The following SLC9C2 variants were observed in gnomAD, a reference collection of about 807,000 sequenced individuals.
SLC9C2 encodes solute carrier family 9 member C2 (putative), also known as sodium/hydrogen exchanger 11.
SLC9C2 carries 75 observed loss-of-function variants against 140.2 expected under a neutral mutation model. The observed-to-expected ratio is 0.53, with a 90% CI of 0.44 to 0.65. The LOEUF is 0.65. Among genes scored for constraint, SLC9C2 ranks in the 30% least tolerant of loss-of-function variants. The pLI, the probability that SLC9C2 is intolerant of heterozygous loss-of-function variation, is 0.00. For synonymous variants in SLC9C2, 375 were observed against 420.9 expected (o/e 0.89, Z 1.34); for missense variants, 1,074 against 1,331.8 (o/e 0.81, Z 3.01).
chr1:173,595,850 A>C (rs74225380), intron 4 of SLC9C2, among the ~76,000 whole-genome samples: 12,043 of 152,220 alleles, frequency 0.079, 724 homozygotes, highest in East Asian at 0.32. Flanking sequence ...TGATAAATGC[A>C]TACAGTTATG....
At chr1:173,533,941 C>A in intron 16 of SLC9C2, 144 bp from the exon 17 acceptor site, 2 of 915,456 alleles carry the variant, frequency 2.2e-6, no homozygotes, top group South Asian at 2.6e-5. Context: ...TGGAATCCCC[C>A]CAAAAATTCT....
At position 173,504,976 on chromosome 1, in the gene SLC9C2, AAC is replaced by A. The variant is rs558060847; in HGVS notation, c.3310+269_3310+270del. Among the ~76,000 whole-genome samples the A allele has an allele frequency of 3.2e-4, 48 of 152,280 alleles. 1 individual carries two copies. In the South Asian group the frequency reaches 9.7e-3, roughly 31 times the overall value. Reference sequence around the variant, plus strand: ...TGTGGCTGCAGCCTACCAGGGCAGCAACAGAGTGCATTGCAGAAGCTGCTCTC... The same window carrying A: ...TGTGGCTGCAGCCTACCAGGGCAGCAAGAGTGCATTGCAGAAGCTGCTCTC... On this transcript the variant is annotated intron_variant, in intron 26 of 27. Transcript: ENST00000367714.
chr1:173,569,752 C>G (rs1428900359), intron 9 of SLC9C2, among the ~76,000 whole-genome samples: 4 of 151,998 alleles, frequency 2.6e-5, no homozygotes, highest in Non-Finnish European at 5.9e-5. Flanking sequence ...GAGTTCAAGA[C>G]CAGCCTGGGC....
chr1:173,543,115 G>A (rs1015217306), intron 13 of SLC9C2, among the ~76,000 whole-genome samples: 1 of 152,162 alleles, frequency 6.6e-6, no homozygotes, highest in African/African-American at 2.4e-5. Context: ...AAACCCCATT[G>A]TCTCACCCCA....
At chr1:173,558,180 T>A (rs939188097) in intron 9 of SLC9C2, among the ~76,000 whole-genome samples, 26 of 152,096 alleles carry the variant, frequency 1.7e-4, no homozygotes, top group South Asian at 4.1e-4. Flanking sequence ...CAAAAAAAAA[T>A]ATTGTGTGTC....
Position 173,534,596 on chromosome 1 carries a change from A to G in SLC9C2, c.1862T>C (p.Ile621Thr), listed in dbSNP as rs1571492912. Reference protein sequence around the residue: ...YTGQIINLIYIYPMIIHLWPM... With the variant: ...YTGQIINLIYTYPMIIHLWPM... Reference sequence around the variant, plus strand: ...CCACAGATGTATTATCATAGGATAAATATATATCAAATTTATAATCTGTCC... The same window carrying G: ...CCACAGATGTATTATCATAGGATAAGTATATATCAAATTTATAATCTGTCC... The change falls in exon 16 of 28, where the codon ATT becomes ACT. Residue 621 changes from isoleucine to threonine, a missense_variant. Physicochemically the swap from Ile to Thr is moderately conservative, Grantham distance 89. Transcript: ENST00000367714. 1 of 1,591,308 alleles carries G rather than the reference A, an allele frequency of 6.3e-7. No homozygotes were observed. The highest frequency in any genetic ancestry group is 8.5e-7 in the Non-Finnish European group (1 of 1,170,460).
intron 13 of SLC9C2, among the ~76,000 whole-genome samples, chr1:173,538,593 G>A (rs928323654): frequency 1.3e-5 from 2 of 152,078 alleles, no homozygotes; most frequent in Non-Finnish European, 2.9e-5. Context: ...AGCACAGGGT[G>A]TTAATCAGAC....
intron 23 of SLC9C2, among the ~76,000 whole-genome samples, chr1:173,511,049 T>C (rs1215935608): frequency 2.3e-5 from 3 of 132,480 alleles, no homozygotes; most frequent in East Asian, 2.5e-4. Flanking sequence ...TTTTTTTTTT[T>C]TTTTGAGACA....
intron 13 of SLC9C2, among the ~76,000 whole-genome samples, chr1:173,546,428 A>G (rs1662853116): frequency 6.6e-6 from 1 of 152,098 alleles, no homozygotes; most frequent in African/African-American, 2.4e-5. Context: ...TAAAAATACA[A>G]AAATTACCTG....
chr1:173,568,332 T>C (rs989468059), intron 9 of SLC9C2, among the ~76,000 whole-genome samples: 4 of 152,090 alleles, frequency 2.6e-5, no homozygotes, highest in African/African-American at 7.2e-5. Context: ...TTCTTTGTAT[T>C]CGTAAGTTCT....
chr1:173,598,086 G>T (rs1423049060), intron 3 of SLC9C2, 54 bp from the exon 4 acceptor site: 2 of 1,523,556 alleles, frequency 1.3e-6, no homozygotes, highest in Non-Finnish European at 1.8e-6. Context: ...CCAAGTATTA[G>T]AAACTAGGTT....
intron 17 of SLC9C2, among the ~76,000 whole-genome samples, chr1:173,532,001 A>C (rs1470393214): frequency 6.6e-6 from 1 of 152,214 alleles, no homozygotes; most frequent in African/African-American, 2.4e-5. Flanking sequence ...TCAGCTCATA[A>C]GGCAAAAAGC....
chr1:173,586,738 C>A (rs1665870774), intron 5 of SLC9C2, among the ~76,000 whole-genome samples: 1 of 152,104 alleles, frequency 6.6e-6, no homozygotes, highest in African/African-American at 2.4e-5. Flanking sequence ...AGGGACATGG[C>A]TGAAGCTTGA....
In SLC9C2 at chr1:173,561,784, C is replaced by T. The variant is rs982721310; in HGVS notation, c.1047-4276G>A. Among the ~76,000 whole-genome samples the T allele has an allele frequency of 2.0e-5, 3 of 151,698 alleles. No individual in the cohort carries two copies. In the East Asian group the frequency reaches 5.8e-4, roughly 30 times the overall value. Reference sequence around the variant, plus strand: ...TTGCCACCACCAGTGACCAATCATACATGAAAAAGATCAGCCACTCCCACC... The same window carrying T: ...TTGCCACCACCAGTGACCAATCATATATGAAAAAGATCAGCCACTCCCACC... On this transcript the variant is annotated intron_variant, in intron 9 of 27. Transcript: ENST00000367714.
At chr1:173,557,559 ATTCATAG>A in intron 9 of SLC9C2, 51 bp from the exon 10 acceptor site, 1 of 1,525,268 alleles carries the variant, frequency 6.6e-7, no homozygotes, top group Non-Finnish European at 8.9e-7. Context: ...TATTAATGTT[ATTCATAG>A]TTGAAAGCAA....
intron 15 of SLC9C2, 100 bp downstream of exon 15, chr1:173,535,730 T>C (rs1279904461): frequency 3.0e-6 from 4 of 1,322,260 alleles, no homozygotes; most frequent in East Asian, 6.3e-5. Flanking sequence ...AACCATAATA[T>C]AGTTTTTCTC....
At position 173,509,658 on chromosome 1, in the gene SLC9C2, A is replaced by G; in HGVS notation, c.2949T>C (p.Asp983=). The change falls in exon 24 of 28, where the codon GAT becomes GAC. Residue 983 remains aspartate, a synonymous_variant. Transcript: ENST00000367714. ...TATATTCCAGAGATGGCCAGAAGGC[A>G]TCAAAGCCTTCATATAAATCCTCCA... The part of the protein sequence containing the change: ...ISLEDLYEGF[D]AFWPSLEYKI... 1 of 1,597,478 alleles carries G rather than the reference A, an allele frequency of 6.3e-7. No homozygotes were observed. The highest frequency in any genetic ancestry group is 8.5e-7 in the Non-Finnish European group (1 of 1,175,598).
intron 8 of SLC9C2, among the ~76,000 whole-genome samples, chr1:173,574,732 G>A (rs765001827): frequency 7.6e-5 from 7 of 92,438 alleles, no homozygotes; most frequent in Non-Finnish European, 1.6e-4. Context: ...GGATGGTCTT[G>A]ATCTCCTGAC....
chr1:173,569,975 C>A (rs1031602698), intron 9 of SLC9C2, among the ~76,000 whole-genome samples: 1 of 152,122 alleles, frequency 6.6e-6, no homozygotes, highest in Admixed American at 6.5e-5. Context: ...TTCTGCCACA[C>A]CACCACCCAT....
Sources: gnomAD v4.1 joint callset for allele counts (sites outside exome capture counted in the v4.1 genomes callset) on GRCh38, gnomAD v4.1.1 for gene constraint, MANE v1.5 for transcripts, NCBI Gene and HGNC (gene_info 2026-07-23, HGNC 2026-07-21) for gene names.